The following XXYLT1 variants were observed in gnomAD, a reference collection of about 807,000 sequenced individuals.
XXYLT1 encodes xyloside xylosyltransferase 1.
A neutral mutation model predicts 28.9 loss-of-function variants in XXYLT1; 20 were observed. The ratio of observed to expected loss-of-function variants is 0.69; its 90% CI spans 0.49 to 1.00. XXYLT1 has a LOEUF of 1.00. Ranked by LOEUF, XXYLT1 falls within the 50% of genes least tolerant of loss-of-function variation. XXYLT1 has a pLI of 0.00. For synonymous variants in XXYLT1, 257 were observed against 253.8 expected (o/e 1.01, Z -0.12); for missense variants, 542 against 560.1 (o/e 0.97, Z 0.33).
rs1380406595 is a variant in XXYLT1 at position 195,076,532 on chromosome 3, A to C, written c.786-6421T>G. ...TGCACAGTGGGCCTCATTTTTACCT[A>C]AAGACCACTGGGCTCTGTTAGTTCG... On this transcript the variant is annotated intron_variant, in intron 3 of 3. Transcript: ENST00000310380. This position sits in a 1 kb window ranked among gnomAD's most constrained non-coding sequence, Gnocchi z 5.3. 1.3e-5 allele frequency among the ~76,000 whole-genome samples: 2 copies of C among 152,108 alleles called. No individual in the cohort carries two copies. The highest frequency in any genetic ancestry group is 2.9e-5 in the Non-Finnish European group (2 of 68,020).
In XXYLT1 at chr3:195,270,437, G is replaced by A. The variant is rs538148595; in HGVS notation, c.504+118C>T. ...GGTTGTGAACACTACATTGCAAGCG[G>A]GCAGCTCAGGGAAGATCCTACCCGC... On this transcript the variant is annotated intron_variant, in intron 1 of 3. Transcript: ENST00000310380. 203 of 1,335,656 alleles carry A rather than the reference G, an allele frequency of 1.5e-4. 1 individual carries two copies. The highest frequency in any genetic ancestry group is 1.9e-4 in the Admixed American group (5 of 26,252). The allele number at this position is 1,335,656 out of a possible 1,614,324, so 82.7% of individuals were successfully genotyped here. A position where few individuals can be genotyped will look rare whatever the true frequency, so the allele number is the denominator to read the frequency against.
At chr3:195,270,347 C>T in intron 1 of XXYLT1, 1 of 1,190,628 alleles carries the variant, frequency 8.4e-7, no homozygotes, top group South Asian at 2.0e-5. Context: ...AAACGCAGCT[C>T]CACTCCTCAG....
chr3:195,262,652 G>A lies in XXYLT1; in HGVS notation c.504+7903C>T, dbSNP rs193148440. On this transcript the variant is annotated intron_variant, in intron 1 of 3. Coordinates refer to ENST00000310380, the MANE Select transcript of XXYLT1 (RefSeq NM_152531.5). ...ATTTTATAAATCCCCGTCGATCAGT[G>A]TATTTCATCTATATCATGACCCCAA... 1.6e-4 allele frequency among the ~76,000 whole-genome samples: 24 copies of A among 152,264 alleles called. No individual in the cohort carries two copies. The East Asian group carries it at 4.4e-3, about 28-fold the overall frequency.
Position 195,270,759 on chromosome 3 carries a change from G to A in XXYLT1, c.300C>T (p.His100=). The A allele has an allele frequency of 6.3e-7, 1 of 1,583,404 alleles. No homozygotes were observed. The highest frequency in any genetic ancestry group is 8.6e-7 in the Non-Finnish European group (1 of 1,169,276). The change falls in exon 1 of 4, where the codon CAC becomes CAT. Residue 100 remains histidine (H), a synonymous_variant. Coordinates refer to ENST00000310380, the MANE Select transcript of XXYLT1 (RefSeq NM_152531.5). ...EGGGAGPVDY[H]LLMMFTKAEH... Reference sequence around the variant, plus strand: ...CCGCCTTGGTGAACATCATCAGCAGGTGGTAGTCCACCGGCCCGGCACCGC... The same window carrying A: ...CCGCCTTGGTGAACATCATCAGCAGATGGTAGTCCACCGGCCCGGCACCGC...
chr3:195,261,260 C>T (rs1260104336), intron 1 of XXYLT1, among the ~76,000 whole-genome samples: 3 of 152,038 alleles, frequency 2.0e-5, no homozygotes, highest in African/African-American at 7.2e-5. Context: ...TGGTGAAACC[C>T]TGTCTCTACT....
chr3:195,191,587 G>A (rs542869682), intron 2 of XXYLT1, among the ~76,000 whole-genome samples: 7 of 152,322 alleles, frequency 4.6e-5, no homozygotes, highest in Admixed American at 3.3e-4. Context: ...CAATCCCCAT[G>A]TTGTTCAAGG....
intron 1 of XXYLT1, among the ~76,000 whole-genome samples, chr3:195,254,948 C>A (rs1014372307): frequency 6.6e-6 from 1 of 152,144 alleles, no homozygotes; most frequent in Non-Finnish European, 1.5e-5. Flanking sequence ...GGATCTAAAG[C>A]GGCCCATCTG....
intron 2 of XXYLT1, among the ~76,000 whole-genome samples, chr3:195,221,151 C>G (rs186628776): frequency 3.2e-4 from 49 of 152,308 alleles, no homozygotes; most frequent in African/African-American, 1.0e-3. Context: ...TTGGGAAACA[C>G]TCTATAAAAC....
chr3:195,185,093 GGA>G (rs1722128781), intron 2 of XXYLT1, among the ~76,000 whole-genome samples: 1 of 12,768 alleles, frequency 7.8e-5, no homozygotes, highest in Non-Finnish European at 2.0e-4. Flanking sequence ...GAAGAAGGAA[GGA>G]AGGAAGGAAG....
At chr3:195,138,138 A>G (rs1719293613) in intron 3 of XXYLT1, among the ~76,000 whole-genome samples, 1 of 152,230 alleles carries the variant, frequency 6.6e-6, no homozygotes, top group African/African-American at 2.4e-5. Context: ...CTATCTCCAC[A>G]ATGGCAATAA....
At chr3:195,092,875 G>A (rs1440159250) in intron 3 of XXYLT1, among the ~76,000 whole-genome samples, 1 of 110,534 alleles carries the variant, frequency 9.0e-6, no homozygotes, top group Non-Finnish European at 1.7e-5. Flanking sequence ...CGAAGGACAT[G>A]AACAGATACT....
intron 1 of XXYLT1, among the ~76,000 whole-genome samples, chr3:195,245,409 G>A (rs1404275175): frequency 1.3e-5 from 2 of 151,858 alleles, no homozygotes; most frequent in African/African-American, 4.8e-5. Context: ...GGCCCACCTC[G>A]GCCTCCCAAA....
In XXYLT1 at chr3:195,168,809, G is replaced by A; in HGVS notation, c.653-12228C>T. Among the ~76,000 whole-genome samples the A allele has an allele frequency of 6.6e-6, 1 of 152,236 alleles. No homozygotes were observed. Among genetic ancestry groups the A allele is most frequent in the Non-Finnish European group, 1.5e-5 (1 of 68,042 alleles). On this transcript the variant is annotated intron_variant, in intron 2 of 3. Coordinates refer to ENST00000310380, the MANE Select transcript of XXYLT1 (RefSeq NM_152531.5). The surrounding 1 kb of genome is among the most constrained non-coding windows in gnomAD (Gnocchi z 4.3). ...TGAAAATTCAGGTCCACGGTGGCCTGTAATAACCTGCTTAGGGTCACACGG... is the reference window on the plus strand; with the variant it reads ...TGAAAATTCAGGTCCACGGTGGCCTATAATAACCTGCTTAGGGTCACACGG...
intron 2 of XXYLT1, among the ~76,000 whole-genome samples, chr3:195,220,804 T>C (rs534350576): frequency 7.9e-5 from 12 of 152,258 alleles, no homozygotes; most frequent in African/African-American, 2.2e-4. Context: ...CAGCAGGTTG[T>C]GTGTGATGGG....
At chr3:195,186,923 C>A (rs77307533) in intron 2 of XXYLT1, among the ~76,000 whole-genome samples, 5,033 of 149,624 alleles carry the variant, frequency 0.034, 146 homozygotes, top group East Asian at 0.1. Context: ...GAAACAGACT[C>A]TTGCTCTGTC....
At chr3:195,070,530 CCAGA>C (rs1371268986) in intron 3 of XXYLT1, among the ~76,000 whole-genome samples, 1 of 152,150 alleles carries the variant, frequency 6.6e-6, no homozygotes, top group Admixed American at 6.5e-5. Flanking sequence ...GGGACTAAAC[CCAGA>C]CAATCTGGCT....
chr3:195,100,086 A>C (rs1236303513), intron 3 of XXYLT1, among the ~76,000 whole-genome samples: 2 of 152,032 alleles, frequency 1.3e-5, no homozygotes, highest in Admixed American at 1.3e-4. Flanking sequence ...CAAATCTGGA[A>C]CTTCCAGTCC....
intron 3 of XXYLT1, among the ~76,000 whole-genome samples, chr3:195,072,985 A>G (rs1714911028): frequency 6.6e-6 from 1 of 152,010 alleles, no homozygotes. Flanking sequence ...AATCCCCCCA[A>G]CGCAACAGCA....
At chr3:195,131,723 A>G (rs1718915067) in intron 3 of XXYLT1, among the ~76,000 whole-genome samples, 1 of 152,228 alleles carries the variant, frequency 6.6e-6, no homozygotes, top group Non-Finnish European at 1.5e-5. Context: ...ACAAACCTCT[A>G]TGGTAAATGT....
Sources: allele counts gnomAD v4.1 joint callset (sites outside exome capture counted in the v4.1 genomes callset), GRCh38; gene constraint gnomAD v4.1.1; non-coding constraint Gnocchi (gnomAD v3.1); transcripts MANE v1.5; gene names NCBI Gene and HGNC (gene_info 2026-07-23, HGNC 2026-07-21).